Variants in RAD1 observed in about 807,000 individuals in gnomAD.
The protein encoded by RAD1 is RAD1 checkpoint DNA exonuclease, also known as cell cycle checkpoint protein RAD1.
In RAD1, 21 loss-of-function variants were observed where a neutral mutation model predicts 30.0. That is an observed-to-expected ratio of 0.70 (90% CI 0.50 to 1.01). RAD1 has a LOEUF of 1.01. Ranked by LOEUF, RAD1 falls within the 50% of genes least tolerant of loss-of-function variation. The pLI, the probability that RAD1 is intolerant of heterozygous loss-of-function variation, is 0.00. For missense variants in RAD1, 329 were observed against 329.0 expected (o/e 1.00, Z 0.00); for synonymous variants, 109 against 113.6 (o/e 0.96, Z 0.26).
Position 34,914,959 on chromosome 5 carries a change from C to T in RAD1, c.-67G>A. On this transcript the variant is annotated splice_region_variant and 5_prime_UTR_variant, in exon 2 of 6. Transcript: ENST00000382038. ...AACAACTTCTCGGCGGATCGCCAAA[C>T]ACCTGAAGGGATTAGACAGTAAAAC... 1 of 1,555,842 alleles carries T rather than the reference C, an allele frequency of 6.4e-7. No individual in the cohort carries two copies. The highest frequency in any genetic ancestry group is 8.8e-7 in the Non-Finnish European group (1 of 1,135,466).
Position 34,911,677 on chromosome 5 carries a change from C to T in RAD1, c.443G>A (p.Cys148Tyr), listed in dbSNP as rs149391377. The T allele has an allele frequency of 2.5e-6, 4 of 1,613,994 alleles. No homozygotes were observed. The African/African-American group carries it at 5.3e-5, about 22-fold the overall frequency. The change falls in exon 4 of 6, where the codon TGC (cysteine) becomes TAC (tyrosine). Residue 148 changes from cysteine to tyrosine, a missense_variant. Coordinates refer to ENST00000382038, the MANE Select transcript of RAD1 (RefSeq NM_002853.4). ...EPEETLDFDF[C>Y]STNVINKIIL... ...AATTTTATTAATAACATTGGTGCTGCAGAAATCAAAGTCCAGGGTCTCCTC... is the reference window on the plus strand; with the variant it reads ...AATTTTATTAATAACATTGGTGCTGTAGAAATCAAAGTCCAGGGTCTCCTC...
chr5:34,914,427 G>T, intron 2 of RAD1: 1 of 447,328 alleles, frequency 2.2e-6, no homozygotes, highest in Admixed American at 3.8e-5. Context: ...CTAGCCAATA[G>T]CCTAGTTTAA....
rs41271703 is a variant in RAD1, at chr5:34,911,982, A to C, written c.308-170T>G. Among the ~76,000 whole-genome samples the C allele has an allele frequency of 2.9e-3, 436 of 152,366 alleles. 1 individual carries two copies. The highest frequency in any genetic ancestry group is 0.01 in the African/African-American group (418 of 41,580). ...ATCTTCCCTGATGACAGTTGTGTGT[A>C]GAGAATTCCAAAACTACAAGAAAAT... On this transcript the variant is annotated intron_variant, in intron 3 of 5. Coordinates refer to ENST00000382038, the MANE Select transcript of RAD1 (RefSeq NM_002853.4).
At chr5:34,910,314 C>T (rs1390321078) in intron 4 of RAD1, among the ~76,000 whole-genome samples, 1 of 152,162 alleles carries the variant, frequency 6.6e-6, no homozygotes, top group African/African-American at 2.4e-5. Flanking sequence ...GAATTTTTTA[C>T]TTCATTCCAC....
chr5:34,909,138 T>A, intron 5 of RAD1, 120 bp downstream of exon 5: 1 of 932,080 alleles, frequency 1.1e-6, no homozygotes, highest in South Asian at 1.7e-5. Flanking sequence ...CACTCTACTA[T>A]TCATTTTTAT....
rs1161787340 is a variant in RAD1, at chr5:34,906,812, CAA to C, written c.*1951_*1952del. On this transcript the variant is annotated 3_prime_UTR_variant, in exon 6 of 6. Transcript: ENST00000382038. ...CGCCGTTCTTTGTTCACACTAGTAA[CAA>C]AAGACAAAAAATAACTATGCTATTT... 3 of 151,968 alleles carry C rather than the reference CAA, an allele frequency of 2.0e-5. No homozygotes were observed. Among genetic ancestry groups the C allele is most frequent in the African/African-American group, 7.3e-5 (3 of 41,360 alleles). The allele number at this position is 151,968 out of a possible 1,614,324, so 9.4% of individuals were successfully genotyped here.
intron 2 of RAD1, 87 bp from the exon 3 acceptor site, chr5:34,913,665 A>T: frequency 1.4e-6 from 1 of 740,390 alleles, no homozygotes; most frequent in Non-Finnish European, 2.2e-6. Context: ...ATACGTTTAA[A>T]AAATACAATA....
At chr5:34,911,919 T>C (rs1255616145) in intron 3 of RAD1, 107 bp from the exon 4 acceptor site, 1 of 1,288,056 alleles carries the variant, frequency 7.8e-7, no homozygotes, top group East Asian at 2.3e-5. Context: ...TCCGCCCAAT[T>C]TCTCACATAT....
chr5:34,913,227 G>A (rs1188127997), intron 3 of RAD1, among the ~76,000 whole-genome samples: 3 of 151,864 alleles, frequency 2.0e-5, no homozygotes, highest in East Asian at 1.9e-4. Context: ...TGGCCAGTTC[G>A]AATTTACAAT....
Position 34,915,471 on chromosome 5 carries a change from G to C in RAD1, c.-125C>G, listed in dbSNP as rs1764034628. 1.8e-5 allele frequency: 7 copies of C among 397,068 alleles called. No homozygotes were observed. Among genetic ancestry groups the C allele is most frequent in the Non-Finnish European group, 2.7e-5 (6 of 220,536 alleles). 24.6% of individuals were successfully genotyped at this position (397,068 alleles called of 1,614,324 possible). On this transcript the variant is annotated 5_prime_UTR_variant, in exon 1 of 6. Coordinates refer to ENST00000382038, the MANE Select transcript of RAD1 (RefSeq NM_002853.4). ...CCTTCTCAGCAAAGTCCCTGAAGAG[G>C]AGCGAGGCGGCTCCGAGGAACCGCG...
At position 34,908,691 on chromosome 5, in the gene RAD1, C is replaced by CA. The variant is rs1160635017; in HGVS notation, c.*73dup. The CA allele has an allele frequency of 3.8e-6, 5 of 1,319,808 alleles. No homozygotes were observed. The South Asian group carries it at 4.5e-5, about 12-fold the overall frequency. The allele number at this position is 1,319,808 out of a possible 1,614,324, so 81.8% of individuals were successfully genotyped here. A position where few individuals can be genotyped will look rare whatever the true frequency, so the allele number is the denominator to read the frequency against. On this transcript the variant is annotated 3_prime_UTR_variant, in exon 6 of 6. Transcript: ENST00000382038. The stretch of plus-strand genomic sequence containing the variant: ...CTATAGAAAATCCAATATGAAATGA[C>CA]AAAGAGTACTGTACTCAGAATAAGA...
intron 4 of RAD1, among the ~76,000 whole-genome samples, chr5:34,911,161 G>A (rs975536402): frequency 1.3e-5 from 2 of 152,228 alleles, no homozygotes; most frequent in African/African-American, 4.8e-5. Context: ...AATGAGCCAC[G>A]TGTAGAAAAC....
At chr5:34,910,691 G>C (rs192418892) in intron 4 of RAD1, among the ~76,000 whole-genome samples, 1 of 152,322 alleles carries the variant, frequency 6.6e-6, no homozygotes, top group East Asian at 1.9e-4. Flanking sequence ...GCCTCCCAAA[G>C]TGCTGGGATT....
Position 34,911,744 on chromosome 5 carries a change from C to T in RAD1, c.376G>A (p.Gly126Arg). The T allele has an allele frequency of 6.2e-7, 1 of 1,614,164 alleles. No individual in the cohort carries two copies. Among genetic ancestry groups the T allele is most frequent in the Non-Finnish European group, 8.5e-7 (1 of 1,180,006 alleles). ...GYPLMLFLEEGGVVTVCKINT... is the reference protein window; with the variant it reads ...GYPLMLFLEERGVVTVCKINT... ...ATTTTGCAGACTGTCACCACTCCTC[C>T]TTCTTCCAGGAACAGCATCAAAGGG... Residue 126 changes from glycine to arginine, a missense_variant, in exon 4 of 6, where the codon GGA becomes AGA. Physicochemically the swap from Gly to Arg is moderately radical, Grantham distance 125. Coordinates refer to ENST00000382038, the MANE Select transcript of RAD1 (RefSeq NM_002853.4).
chr5:34,914,947 C>T lies in RAD1; in HGVS notation c.-55G>A. ...GCTCCTGGGGCCAACAACTTCTCGG[C>T]GGATCGCCAAACACCTGAAGGGATT... On this transcript the variant is annotated 5_prime_UTR_variant, in exon 2 of 6. Coordinates refer to ENST00000382038, the MANE Select transcript of RAD1 (RefSeq NM_002853.4). 6.3e-7 allele frequency: 1 copy of T among 1,592,344 alleles called. No individual in the cohort carries two copies. The highest frequency in any genetic ancestry group is 1.3e-5 in the African/African-American group (1 of 74,506).
chr5:34,908,725 T>C lies in RAD1; in HGVS notation c.*40A>G. ...CTGTACTCAGAATAAGAACTTCATCTATCATAAATGTACACATAAATATCA... is the reference window on the plus strand; with the variant it reads ...CTGTACTCAGAATAAGAACTTCATCCATCATAAATGTACACATAAATATCA... On this transcript the variant is annotated 3_prime_UTR_variant, in exon 6 of 6. Coordinates refer to ENST00000382038, the MANE Select transcript of RAD1 (RefSeq NM_002853.4). 6.7e-7 allele frequency: 1 copy of C among 1,495,156 alleles called. No homozygotes were observed. The highest frequency in any genetic ancestry group is 9.1e-7 in the Non-Finnish European group (1 of 1,101,426). 92.6% of individuals were successfully genotyped at this position (1,495,156 alleles called of 1,614,324 possible).
At chr5:34,914,654 G>A in intron 2 of RAD1, 41 bp downstream of exon 2, 2 of 1,586,974 alleles carry the variant, frequency 1.3e-6, no homozygotes, top group Non-Finnish European at 1.7e-6. Context: ...ATTACATTTA[G>A]AGTATCTATG....
Position 34,905,903 on chromosome 5 carries a change from T to G in RAD1, c.*2862A>C, listed in dbSNP as rs1167679628. The G allele has an allele frequency of 6.6e-6, 1 of 152,178 alleles. No homozygotes were observed. Among genetic ancestry groups the G allele is most frequent in the African/African-American group, 2.4e-5 (1 of 41,440 alleles). The allele number at this position is 152,178 out of a possible 1,614,324, so 9.4% of individuals were successfully genotyped here. A position where few individuals can be genotyped will look rare whatever the true frequency, so the allele number is the denominator to read the frequency against. ...GGGTGACTTAGAAACAATTCATTAGTCTTTGAATTCTAAATAGCTGAAGAC... is the reference window on the plus strand; with the variant it reads ...GGGTGACTTAGAAACAATTCATTAGGCTTTGAATTCTAAATAGCTGAAGAC... On this transcript the variant is annotated 3_prime_UTR_variant, in exon 6 of 6. Transcript: ENST00000382038.
Position 34,906,402 on chromosome 5 carries a change from G to A in RAD1, c.*2363C>T, listed in dbSNP as rs1763654642. The stretch of plus-strand genomic sequence containing the variant: ...GCCTGTAATCCCAGCCCTTTGGGAG[G>A]CCGAGGCGGGTGGATTGCTTGAGCT... On this transcript the variant is annotated 3_prime_UTR_variant, in exon 6 of 6. Transcript: ENST00000382038. 6.6e-6 allele frequency: 1 copy of A among 152,180 alleles called. No individual in the cohort carries two copies. The highest frequency in any genetic ancestry group is 2.4e-5 in the African/African-American group (1 of 41,446). The allele number at this position is 152,180 out of a possible 1,614,324, so 9.4% of individuals were successfully genotyped here.
Sources: gnomAD v4.1 joint callset for allele counts (sites outside exome capture counted in the v4.1 genomes callset) on GRCh38, gnomAD v4.1.1 for gene constraint, MANE v1.5 for transcripts, NCBI Gene and HGNC (gene_info 2026-07-23, HGNC 2026-07-21) for gene names.